AGAP1: variants seen among roughly 807,000 people sequenced by gnomAD.
AGAP1 encodes ArfGAP with GTPase domain, ankyrin repeat and PH domain 1, also known as arf-GAP with GTPase, ANK repeat and PH domain-containing protein 1.
AGAP1 carries 29 observed loss-of-function variants against 105.3 expected under a neutral mutation model. That is an observed-to-expected ratio of 0.28 (90% confidence interval 0.21 to 0.38). The LOEUF (loss-of-function observed/expected upper bound fraction) is 0.38, where lower values mean the gene tolerates loss of function less well. Among genes scored for constraint, AGAP1 ranks in the 10% least tolerant of loss-of-function variants. The pLI is 1.00. For synonymous variants in AGAP1, 509 were observed against 485.9 expected, an observed-to-expected ratio of 1.05 and a Z score of -0.63; for missense variants, 998 against 1,165.1, an observed-to-expected ratio of 0.86 and a Z score of 2.09.
At chr2:236,048,762 T>C (rs1576167916) in intron 15 of AGAP1, among the ~76,000 whole-genome samples, 1 of 152,240 alleles carries the variant, frequency 6.6e-6, no homozygotes, top group Admixed American at 6.5e-5. Context: ...TGAATGCTGC[T>C]GTGACATATG....
In AGAP1 at chr2:236,066,750, T is replaced by C. The variant is rs577843746; in HGVS notation, c.2114+17469T>C. 3.9e-5 allele frequency among the ~76,000 whole-genome samples: 6 copies of C among 152,368 alleles called. No homozygotes were observed. In the South Asian group the frequency reaches 1.2e-3, roughly 32 times the overall value. The stretch of plus-strand genomic sequence containing the variant: ...AATTCAGTTGGTTTTGATAACTGCA[T>C]AGGTCTATCAATAATATTCCTATCA... On this transcript the variant is annotated intron_variant, in intron 16 of 17. Coordinates refer to ENST00000304032, the MANE Select transcript of AGAP1 (RefSeq NM_001037131.3).
chr2:235,893,680 G>A lies in AGAP1; in HGVS notation c.1155+10231G>A, dbSNP rs78060437. Among the ~76,000 whole-genome samples, 40 of 152,266 alleles carry A rather than the reference G, an allele frequency of 2.6e-4. 1 individual carries two copies. The South Asian group carries it at 8.1e-3, about 31-fold the overall frequency. On this transcript the variant is annotated intron_variant, in intron 10 of 17. Coordinates refer to ENST00000304032, the MANE Select transcript of AGAP1 (RefSeq NM_001037131.3). This position sits in a 1 kb window ranked among gnomAD's most constrained non-coding sequence, Gnocchi z 4.7. The stretch of plus-strand genomic sequence containing the variant: ...AGAATGTCCCTTTCTGCCCCATCTA[G>A]TGTATGTCATTGAGGAGGAGGGCTG...
chr2:235,678,551 GTGT>G (rs1214769660), intron 1 of AGAP1, among the ~76,000 whole-genome samples: 9 of 152,184 alleles, frequency 5.9e-5, no homozygotes, highest in Non-Finnish European at 1.2e-4. Context: ...GGGGCTGTGT[GTGT>G]TGTTGCTGGT....
chr2:235,589,189 GTTTTGTTTTTTTTTTTTTT>G (rs1159628361), intron 1 of AGAP1, among the ~76,000 whole-genome samples: 7 of 54,942 alleles, frequency 1.3e-4, no homozygotes, highest in South Asian at 6.3e-4. Context: ...ATAGCTTATT[GTTTTGTTTTTTTTTTTTTT>G]TTTTTTTTTT....
intron 9 of AGAP1, among the ~76,000 whole-genome samples, chr2:235,858,692 T>C (rs1185053539): frequency 1.3e-5 from 2 of 152,230 alleles, no homozygotes; most frequent in Non-Finnish European, 2.9e-5. Flanking sequence ...AAAGTTATAA[T>C]GTATCCGTCT....
rs565554007 is a variant in AGAP1, at chr2:236,089,579, A to C, written c.2115-30613A>C. On this transcript the variant is annotated intron_variant, in intron 16 of 17. Transcript: ENST00000304032. This position sits in a 1 kb window ranked among gnomAD's most constrained non-coding sequence, Gnocchi z 5.6. Reference sequence around the variant, plus strand: ...CCATATAGAGTTCATGCTCACCCCGAAGTCCTTCTTTGGCACTGGAGAACA... The same window carrying C: ...CCATATAGAGTTCATGCTCACCCCGCAGTCCTTCTTTGGCACTGGAGAACA... 1.3e-5 allele frequency among the ~76,000 whole-genome samples: 2 copies of C among 152,308 alleles called. No homozygotes were observed. The highest frequency in any genetic ancestry group is 2.4e-5 in the African/African-American group (1 of 41,580).
At position 236,090,025 on chromosome 2, in the gene AGAP1, G is replaced by C. The variant is rs2059018942; in HGVS notation, c.2115-30167G>C. ...CTCCCTGGCTGCAAATGAATCCATC[G>C]GATACAGAAGTTTTGAGGTGAGTGG... On this transcript the variant is annotated intron_variant, in intron 16 of 17. Coordinates refer to ENST00000304032, the MANE Select transcript of AGAP1 (RefSeq NM_001037131.3). The surrounding 1 kb of genome is among the most constrained non-coding windows in gnomAD (Gnocchi z 4.3). 6.6e-6 allele frequency among the ~76,000 whole-genome samples: 1 copy of C among 152,100 alleles called. No individual in the cohort carries two copies. Among genetic ancestry groups the C allele is most frequent in the Non-Finnish European group, 1.5e-5 (1 of 68,028 alleles).
At chr2:235,678,249 T>C (rs571771971) in intron 1 of AGAP1, among the ~76,000 whole-genome samples, 1 of 152,328 alleles carries the variant, frequency 6.6e-6, no homozygotes, top group South Asian at 2.1e-4. Context: ...TAGATGTCTA[T>C]TCTCTCCTGA....
chr2:235,693,887 C>T (rs777030968), intron 1 of AGAP1, among the ~76,000 whole-genome samples: 8 of 152,156 alleles, frequency 5.3e-5, no homozygotes, highest in Non-Finnish European at 7.4e-5. Context: ...GGGTTAATGA[C>T]GTTCCCATTT....
chr2:235,692,680 C>T lies in AGAP1; in HGVS notation c.164-16499C>T, dbSNP rs1005837769. Among the ~76,000 whole-genome samples, 2 of 152,132 alleles carry T rather than the reference C, an allele frequency of 1.3e-5. No homozygotes were observed. Among genetic ancestry groups the T allele is most frequent in the African/African-American group, 2.4e-5 (1 of 41,418 alleles). On this transcript the variant is annotated intron_variant, in intron 1 of 17. Coordinates refer to ENST00000304032, the MANE Select transcript of AGAP1 (RefSeq NM_001037131.3). This position sits in a 1 kb window ranked among gnomAD's most constrained non-coding sequence, Gnocchi z 5.8. ...CTCAGGCCCAGCACCTCAGAGAAGCCGATGACTGACGTGCACCCCGCCAGC... is the reference window on the plus strand; with the variant it reads ...CTCAGGCCCAGCACCTCAGAGAAGCTGATGACTGACGTGCACCCCGCCAGC...
intron 2 of AGAP1, among the ~76,000 whole-genome samples, chr2:235,710,151 A>G (rs1950777141): frequency 6.6e-6 from 1 of 152,050 alleles, no homozygotes. Context: ...ATTTCTATTG[A>G]TAGCACCAGA....
In AGAP1 at chr2:236,040,645, TCCTA is replaced by T. The variant is rs924262163; in HGVS notation, c.1801-104_1801-101del. The T allele has an allele frequency of 1.1e-6, 1 of 916,234 alleles. No individual in the cohort carries two copies. The highest frequency in any genetic ancestry group is 1.7e-5 in the African/African-American group (1 of 59,958). The allele number at this position is 916,234 out of a possible 1,614,324, so 56.8% of individuals were successfully genotyped here. A position where few individuals can be genotyped will look rare whatever the true frequency, so the allele number is the denominator to read the frequency against. On this transcript the variant is annotated intron_variant, in intron 14 of 17. Transcript: ENST00000304032. The surrounding 1 kb of genome is among the most constrained non-coding windows in gnomAD (Gnocchi z 5.6). ...AGTGATTGTTTAGAAATTACCCTCG[TCCTA>T]CATTTGCTCCCAATCTGTTTGATCT... is the stretch of plus-strand genomic sequence containing the variant.
At chr2:235,640,485 G>T (rs189210217) in intron 1 of AGAP1, among the ~76,000 whole-genome samples, 11 of 152,256 alleles carry the variant, frequency 7.2e-5, no homozygotes, top group Admixed American at 6.5e-4. Flanking sequence ...AACTCCAAAG[G>T]ACCATTTTTC....
At chr2:236,107,815 G>GC (rs2059539015) in intron 16 of AGAP1, among the ~76,000 whole-genome samples, 1 of 152,226 alleles carries the variant, frequency 6.6e-6, no homozygotes. Flanking sequence ...GGATCTGCCA[G>GC]CCCCCATACC....
intron 9 of AGAP1, among the ~76,000 whole-genome samples, chr2:235,868,421 G>A (rs995301043): frequency 2.3e-4 from 35 of 152,122 alleles, no homozygotes; most frequent in African/African-American, 7.5e-4. Flanking sequence ...AATGCTGCCC[G>A]CAGAGCAAAG....
In AGAP1 at chr2:235,842,853, G is replaced by A. The variant is rs1307068365; in HGVS notation, c.1050+35522G>A. Among the ~76,000 whole-genome samples the A allele has an allele frequency of 1.3e-5, 2 of 152,020 alleles. No individual in the cohort carries two copies. The highest frequency in any genetic ancestry group is 2.9e-5 in the Non-Finnish European group (2 of 68,014). Reference sequence around the variant, plus strand: ...AGTGATTCTTCTGCCTCAGCCTCCCGACTAGCTGGGATTATAGGCATGTGC... The same window carrying A: ...AGTGATTCTTCTGCCTCAGCCTCCCAACTAGCTGGGATTATAGGCATGTGC... On this transcript the variant is annotated intron_variant, in intron 9 of 17. Coordinates refer to ENST00000304032, the MANE Select transcript of AGAP1 (RefSeq NM_001037131.3). The surrounding 1 kb of genome is among the most constrained non-coding windows in gnomAD (Gnocchi z 5.3).
chr2:236,018,464 C>T (rs907569430), intron 13 of AGAP1, among the ~76,000 whole-genome samples: 3 of 152,212 alleles, frequency 2.0e-5, no homozygotes, highest in Admixed American at 6.5e-5. Flanking sequence ...AACACCTGGA[C>T]CCATCTCCAG....
rs1951385629 is a variant in AGAP1, at chr2:235,721,550, T to C, written c.310+3906T>C. Among the ~76,000 whole-genome samples the C allele has an allele frequency of 6.6e-6, 1 of 152,116 alleles. No individual in the cohort carries two copies. The highest frequency in any genetic ancestry group is 6.5e-5 in the Admixed American group (1 of 15,274). ...TGTATGTGTACTTCAGTCCTAGCAC[T>C]GTAGTAACGAACTGCCACACACAGT... On this transcript the variant is annotated intron_variant, in intron 3 of 17. Transcript: ENST00000304032. This position sits in a 1 kb window ranked among gnomAD's most constrained non-coding sequence, Gnocchi z 4.5.
chr2:235,821,382 ATTTTTT>A (rs200107062), intron 9 of AGAP1, among the ~76,000 whole-genome samples: 7 of 133,818 alleles, frequency 5.2e-5, no homozygotes, highest in African/African-American at 2.0e-4. Context: ...CAGAACTTCA[ATTTTTT>A]TTTTTTTTTT....
Sources: allele counts gnomAD v4.1 joint callset (sites outside exome capture counted in the v4.1 genomes callset), GRCh38; gene constraint gnomAD v4.1.1; non-coding constraint Gnocchi (gnomAD v3.1); transcripts MANE v1.5; gene names NCBI Gene and HGNC (gene_info 2026-07-23, HGNC 2026-07-21).